The following CELF2 variants were observed in gnomAD, a reference collection of about 807,000 sequenced individuals.
CELF2 encodes the protein CUGBP Elav-like family member 2.
In CELF2, 8 loss-of-function variants were observed where a neutral mutation model predicts 62.6. That is an observed-to-expected ratio of 0.13 (90% CI 0.07 to 0.23). CELF2 has a LOEUF of 0.23. Among genes scored for constraint, CELF2 ranks in the 10% least tolerant of loss-of-function variants. The pLI is 1.00. For synonymous variants in CELF2, 258 were observed against 250.0 expected (o/e 1.03, Z -0.30); for missense variants, 333 against 671.0 (o/e 0.50, Z 5.56).
chr10:10,718,839 A>T, the CELF2 span, among the ~76,000 whole-genome samples: 1 of 152,104 alleles, frequency 6.6e-6, no homozygotes, highest in Non-Finnish European at 1.5e-5. Context: ...ATTATTCTCT[A>T]TACCAATTCC....
At chr10:10,745,202 T>C in the CELF2 span, among the ~76,000 whole-genome samples, 1 of 151,982 alleles carries the variant, frequency 6.6e-6, no homozygotes, top group African/African-American at 2.4e-5. Flanking sequence ...ATGGCCTACT[T>C]GTGATTTTCT....
At chr10:10,765,020 A>G in the CELF2 span, among the ~76,000 whole-genome samples, 1 of 152,192 alleles carries the variant, frequency 6.6e-6, no homozygotes, top group African/African-American at 2.4e-5. Flanking sequence ...AAGAGAGAGA[A>G]GCTAGAGCCA....
chr10:11,282,409 G>A (rs749863826), intron 8 of CELF2, among the ~76,000 whole-genome samples: 14 of 152,180 alleles, frequency 9.2e-5, no homozygotes, highest in African/African-American at 2.2e-4. Flanking sequence ...CTTCATGCCC[G>A]TTTCCTCTGT....
At chr10:10,622,068 A>C in the CELF2 span, among the ~76,000 whole-genome samples, 1 of 152,338 alleles carries the variant, frequency 6.6e-6, no homozygotes, top group African/African-American at 2.4e-5. Flanking sequence ...GGTTTTCAAA[A>C]GTAGCCACAC....
At position 11,260,863 on chromosome 10, in the gene CELF2, G is replaced by C. The variant is rs990138957; in HGVS notation, c.538+2991G>C. On this transcript the variant is annotated intron_variant, in intron 5 of 12. Transcript: ENST00000633077. This position sits in a 1 kb window ranked among gnomAD's most constrained non-coding sequence, Gnocchi z 4.2. ...TCCTGAATCAGTGTATTTGTTAAAA[G>C]CACAATTCTCTTTCATGCTACCATT... is the stretch of plus-strand genomic sequence containing the variant. Among the ~76,000 whole-genome samples the C allele has an allele frequency of 6.6e-6, 1 of 152,162 alleles. No individual in the cohort carries two copies. The highest frequency in any genetic ancestry group is 2.4e-5 in the African/African-American group (1 of 41,442).
At position 11,315,128 on chromosome 10, in the gene CELF2, G is replaced by C. The variant is rs892946671; in HGVS notation, c.1096+870G>C. 6.6e-6 allele frequency among the ~76,000 whole-genome samples: 1 copy of C among 152,128 alleles called. No homozygotes were observed. The highest frequency in any genetic ancestry group is 2.4e-5 in the African/African-American group (1 of 41,436). On this transcript the variant is annotated intron_variant, in intron 10 of 12. Transcript: ENST00000633077. This position sits in a 1 kb window ranked among gnomAD's most constrained non-coding sequence, Gnocchi z 5.8. The stretch of plus-strand genomic sequence containing the variant: ...CGTGTTTTAGATTCATGCTCGGTGT[G>C]GGTTCCTGTACTGAGGAAACTGATC...
At chr10:10,466,494 T>G in the CELF2 span, among the ~76,000 whole-genome samples, 1 of 152,130 alleles carries the variant, frequency 6.6e-6, no homozygotes, top group Non-Finnish European at 1.5e-5. Flanking sequence ...GGAACTGTTA[T>G]AAGTAAAGCT....
chr10:10,719,262 A>G, the CELF2 span, among the ~76,000 whole-genome samples: 8 of 151,808 alleles, frequency 5.3e-5, no homozygotes, highest in Non-Finnish European at 1.0e-4. Context: ...CCGGCCTATT[A>G]TTATACTTTT....
rs1411038480 is a variant in CELF2 at position 11,334,904 on chromosome 10, A to AAGAT, written c.*5853_*5856dup. Reference sequence around the variant, plus strand: ...TCTATTATTTGTTGCCCTCAATCAAAAGATATGTATAGAAAAGTCATTTAA... The same window carrying AAGAT: ...TCTATTATTTGTTGCCCTCAATCAAAAGATAGATATGTATAGAAAAGTCATTTAA... On this transcript the variant is annotated 3_prime_UTR_variant, in exon 13 of 13. Coordinates refer to ENST00000633077, the MANE Select transcript of CELF2 (RefSeq NM_001326342.2). 2.0e-5 allele frequency: 3 copies of AAGAT among 152,252 alleles called. No homozygotes were observed. Among genetic ancestry groups the AAGAT allele is most frequent in the African/African-American group, 7.2e-5 (3 of 41,474 alleles). 9.4% of individuals were successfully genotyped at this position (152,252 alleles called of 1,614,324 possible).
At chr10:10,674,444 A>G in the CELF2 span, among the ~76,000 whole-genome samples, 1 of 152,214 alleles carries the variant, frequency 6.6e-6, no homozygotes, top group South Asian at 2.1e-4. Context: ...GAAAACATGC[A>G]ATTGAGTCTT....
rs11301213 is a variant in CELF2, at chr10:11,190,775, T to TAAA, written c.271+25119_271+25121dup. On this transcript the variant is annotated intron_variant, in intron 2 of 12. Transcript: ENST00000633077. The stretch of plus-strand genomic sequence containing the variant: ...GGCTGGGTTTTGTATCTCTTTTCTT[T>TAAA]AAAAAAAAAAAAAAAAAAAAAAAAA... Among the ~76,000 whole-genome samples the TAAA allele has an allele frequency of 3.5e-3, 190 of 53,982 alleles. 4 individuals carry two copies. Among genetic ancestry groups the TAAA allele is most frequent in the East Asian group, 0.024 (46 of 1,884 alleles). The allele number at this position is 53,982 out of a possible 152,430, so 35.4% of individuals were successfully genotyped here. A position where few individuals can be genotyped will look rare whatever the true frequency, so the allele number is the denominator to read the frequency against.
intron 1 of CELF2, among the ~76,000 whole-genome samples, chr10:11,119,694 C>T (rs2057317963): frequency 6.6e-6 from 1 of 151,996 alleles, no homozygotes; most frequent in Non-Finnish European, 1.5e-5. Context: ...TACAAATAGA[C>T]TTTTCACAGA....
the CELF2 span, among the ~76,000 whole-genome samples, chr10:10,629,215 G>A: frequency 1.3e-5 from 2 of 152,200 alleles, no homozygotes; most frequent in Non-Finnish European, 2.9e-5. Context: ...TTCATCCTGA[G>A]TATAAAGTGA....
In CELF2 at chr10:11,321,005, C is replaced by A; in HGVS notation, c.1097-184C>A. 2.9e-6 allele frequency: 4 copies of A among 1,361,282 alleles called. No individual in the cohort carries two copies. In the South Asian group the frequency reaches 3.9e-5, roughly 13 times the overall value. The allele number at this position is 1,361,282 out of a possible 1,614,324, so 84.3% of individuals were successfully genotyped here. ...GAGTGAGGGTTCTCATGGCTTAGGTCATTTTCCCCCATTATCACGATTTAT... is the reference window on the plus strand; with the variant it reads ...GAGTGAGGGTTCTCATGGCTTAGGTAATTTTCCCCCATTATCACGATTTAT... On this transcript the variant is annotated intron_variant, in intron 10 of 12. Coordinates refer to ENST00000633077, the MANE Select transcript of CELF2 (RefSeq NM_001326342.2). The surrounding 1 kb of genome is among the most constrained non-coding windows in gnomAD (Gnocchi z 6.2).
rs1410236348 is a variant in CELF2 at position 11,334,702 on chromosome 10, A to G, written c.*5649A>G. On this transcript the variant is annotated 3_prime_UTR_variant, in exon 13 of 13. Coordinates refer to ENST00000633077, the MANE Select transcript of CELF2 (RefSeq NM_001326342.2). Reference sequence around the variant, plus strand: ...CTTCTCTCCCCTCCCTCATGAGTCTATCCACGCAGTTCTTAACATACATTC... The same window carrying G: ...CTTCTCTCCCCTCCCTCATGAGTCTGTCCACGCAGTTCTTAACATACATTC... 2 of 152,096 alleles carry G rather than the reference A, an allele frequency of 1.3e-5. No individual in the cohort carries two copies. Among genetic ancestry groups the G allele is most frequent in the East Asian group, 1.9e-4 (1 of 5,198 alleles). The allele number at this position is 152,096 out of a possible 1,614,324, so 9.4% of individuals were successfully genotyped here.
rs2093813220 is a variant in CELF2, at chr10:11,302,081, C to T, written c.977-12058C>T. ...AAGCAAATCCCTGCTCTTCAACCGGCTGTCTTCTGGTGGGGTTTCTTTTCC... is the reference window on the plus strand; with the variant it reads ...AAGCAAATCCCTGCTCTTCAACCGGTTGTCTTCTGGTGGGGTTTCTTTTCC... On this transcript the variant is annotated intron_variant, in intron 9 of 12. Coordinates refer to ENST00000633077, the MANE Select transcript of CELF2 (RefSeq NM_001326342.2). This position sits in a 1 kb window ranked among gnomAD's most constrained non-coding sequence, Gnocchi z 5.0. 6.6e-6 allele frequency among the ~76,000 whole-genome samples: 1 copy of T among 152,370 alleles called. No homozygotes were observed. The highest frequency in any genetic ancestry group is 6.5e-5 in the Admixed American group (1 of 15,308).
chr10:10,663,861 A>G, the CELF2 span, among the ~76,000 whole-genome samples: 2 of 152,178 alleles, frequency 1.3e-5, no homozygotes, highest in African/African-American at 4.8e-5. Flanking sequence ...TCAGTATGTC[A>G]TCGTCAGTTT....
chr10:10,819,215 G>T (rs1207299978), intron 1 of CELF2, among the ~76,000 whole-genome samples: 1 of 152,084 alleles, frequency 6.6e-6, no homozygotes, highest in Non-Finnish European at 1.5e-5. Flanking sequence ...AGTTATCCTT[G>T]CTTTAATGGG....
chr10:10,611,211 AGT>A, the CELF2 span, among the ~76,000 whole-genome samples: 1 of 152,060 alleles, frequency 6.6e-6, no homozygotes, highest in Non-Finnish European at 1.5e-5. Flanking sequence ...GACTATATGG[AGT>A]GACTTGGAGA....
Sources: gnomAD v4.1 joint callset for allele counts (sites outside exome capture counted in the v4.1 genomes callset) on GRCh38, gnomAD v4.1.1 for gene constraint, Gnocchi (gnomAD v3.1) non-coding constraint, MANE v1.5 for transcripts, NCBI Gene and HGNC (gene_info 2026-07-23, HGNC 2026-07-21) for gene names.